Variants in HOXC4 observed in about 807,000 individuals in gnomAD.
HOXC4 encodes the protein homeobox protein Hox-C4.
HOXC4 carries 15 observed loss-of-function variants against 25.5 expected under a neutral mutation model. That is an observed-to-expected ratio of 0.59 (90% CI 0.39 to 0.91). HOXC4 has a LOEUF of 0.91. HOXC4 is among the 40% of genes least tolerant of loss of function. The pLI, the probability that HOXC4 is intolerant of heterozygous loss-of-function variation, is 0.00. For synonymous variants in HOXC4, 165 were observed against 148.0 expected (o/e 1.11, Z -0.83); for missense variants, 342 against 352.4 (o/e 0.97, Z 0.24).
At chr12:54,028,322 G>C (rs538405644) in intron 1 of HOXC4, 1 of 541,786 alleles carries the variant, frequency 1.8e-6, no homozygotes, top group East Asian at 2.9e-5. Context: ...GTCTCAACTA[G>C]GGAATCAACA....
intron 1 of HOXC4, among the ~76,000 whole-genome samples, chr12:54,026,968 G>T (rs910590798): frequency 2.7e-4 from 37 of 135,122 alleles, no homozygotes; most frequent in Non-Finnish European, 4.8e-4. Context: ...AAATGGTGGG[G>T]GGGGGGGGAT....
At chr12:54,053,727 AC>A (rs1937900953), upstream of HOXC4, 5 of 205,212 alleles carry the variant, frequency 2.4e-5, no homozygotes, top group South Asian at 6.7e-5. Flanking sequence ...CACCACCACC[AC>A]CACACACACA....
rs764945249 is a variant in HOXC4 at position 54,054,360 on chromosome 12, G to C, written c.438G>C (p.Thr146=). ...GGATGAAAAAAATTCACGTTAGCAC[G>C]GGTAGGCAACTTTGCTTTTTGCTCC... ...YPWMKKIHVS[T]VNPNYNGGEP... is the part of the protein sequence containing the mutation. The change falls in exon 1 of 2, where the codon ACG becomes ACC. Residue 146 remains threonine, a splice_region_variant and synonymous_variant. Transcript: ENST00000430889. The C allele has an allele frequency of 4.0e-5, 61 of 1,537,454 alleles. No homozygotes were observed. In the South Asian group the frequency reaches 7.1e-4, roughly 18 times the overall value.
chr12:54,047,756 C>T (rs1937751291), intron 1 of HOXC4: 1 of 152,202 alleles, frequency 6.6e-6, no homozygotes, highest in East Asian at 1.9e-4. Flanking sequence ...GCTATTGATT[C>T]CCGCTTGGCT....
intron 1 of HOXC4, among the ~76,000 whole-genome samples, chr12:54,018,066 G>A (rs1003394006): frequency 1.3e-5 from 2 of 152,174 alleles, no homozygotes; most frequent in Non-Finnish European, 2.9e-5. Context: ...CGTCAGCCGA[G>A]AGGAGAGCGT....
At chr12:54,047,525 C>T (rs962247193) in intron 1 of HOXC4, among the ~76,000 whole-genome samples, 5 of 152,300 alleles carry the variant, frequency 3.3e-5, no homozygotes, top group East Asian at 1.9e-4. Flanking sequence ...CAAAAGGAGC[C>T]GAAAGATTTA....
Position 54,054,220 on chromosome 12 carries a change from C to G in HOXC4, c.298C>G (p.Pro100Ala). Reference sequence around the variant, plus strand: ...CGAGAAATCACAGTCGCTCTGCGAGCCGGCGCCTCTCTCAGGCGCCTCCGC... The same window carrying G: ...CGAGAAATCACAGTCGCTCTGCGAGGCGGCGCCTCTCTCAGGCGCCTCCGC... ...HPEKSQSLCEPAPLSGASASP... is the reference protein window; with the variant it reads ...HPEKSQSLCEAAPLSGASASP... The change falls in exon 1 of 2, where the codon CCG becomes GCG. Residue 100 changes from proline (P) to alanine (A), a missense_variant. Physicochemically the swap from Pro to Ala is conservative, Grantham distance 27 (BLOSUM62 -1). Coordinates refer to ENST00000430889, the MANE Select transcript of HOXC4 (RefSeq NM_153633.3). 6.2e-7 allele frequency: 1 copy of G among 1,612,300 alleles called. No homozygotes were observed. The highest frequency in any genetic ancestry group is 8.5e-7 in the Non-Finnish European group (1 of 1,179,168).
At chr12:54,041,262 G>C (rs1055426452) in intron 1 of HOXC4, among the ~76,000 whole-genome samples, 3 of 152,242 alleles carry the variant, frequency 2.0e-5, no homozygotes, top group Admixed American at 6.5e-5. Flanking sequence ...TGTGTTTCCT[G>C]AACACTTGGG....
intron 1 of HOXC4, chr12:54,033,624 A>G: frequency 1.7e-5 from 24 of 1,429,448 alleles, no homozygotes; most frequent in Non-Finnish European, 2.2e-5. Context: ...CCTGGGTTTT[A>G]TAGGCCATGC....
chr12:54,018,720 C>T (rs1191355392), intron 1 of HOXC4, among the ~76,000 whole-genome samples: 1 of 151,872 alleles, frequency 6.6e-6, no homozygotes, highest in African/African-American at 2.4e-5. Context: ...CGGCGACGCA[C>T]ACGCAAACGC....
rs1199109156 is a variant in HOXC4 at position 54,055,209 on chromosome 12, A to G, written c.*4A>G. The G allele has an allele frequency of 1.5e-5, 24 of 1,551,182 alleles. No homozygotes were observed. Among genetic ancestry groups the G allele is most frequent in the Non-Finnish European group, 2.1e-5 (24 of 1,143,168 alleles). Reference sequence around the variant, plus strand: ...AGAGGACATTACCAGGTTATAAAACATAACTCACACCCCTGCCCCCACCCC... The same window carrying G: ...AGAGGACATTACCAGGTTATAAAACGTAACTCACACCCCTGCCCCCACCCC... On this transcript the variant is annotated 3_prime_UTR_variant, in exon 2 of 2. Coordinates refer to ENST00000430889, the MANE Select transcript of HOXC4 (RefSeq NM_153633.3).
At chr12:54,017,654 G>A (rs558496882) in intron 1 of HOXC4, among the ~76,000 whole-genome samples, 2 of 152,208 alleles carry the variant, frequency 1.3e-5, no homozygotes, top group South Asian at 4.1e-4. Context: ...GTTGGGGGTG[G>A]GGAGGCAAGG....
intron 1 of HOXC4, among the ~76,000 whole-genome samples, chr12:54,026,968 G>GA (rs1042785357): frequency 1.5e-5 from 2 of 135,212 alleles, no homozygotes; most frequent in East Asian, 2.4e-4. Context: ...AAATGGTGGG[G>GA]GGGGGGGGAT....
chr12:54,027,339 C>T (rs980072901), intron 1 of HOXC4, among the ~76,000 whole-genome samples: 2 of 152,144 alleles, frequency 1.3e-5, no homozygotes, highest in Non-Finnish European at 2.9e-5. Flanking sequence ...CCTCCACTGG[C>T]GGTGCCCTGA....
At chr12:54,049,855 GA>G (rs1389641178), upstream of HOXC4, among the ~76,000 whole-genome samples, 6 of 145,984 alleles carry the variant, frequency 4.1e-5, no homozygotes, top group Non-Finnish European at 9.0e-5. Flanking sequence ...TTGCCCAAAG[GA>G]AAAAAAAATC....
At chr12:54,036,199 G>T (rs1941182158) in intron 1 of HOXC4, among the ~76,000 whole-genome samples, 1 of 152,130 alleles carries the variant, frequency 6.6e-6, no homozygotes. Flanking sequence ...TGGGCTGGGG[G>T]AGGAAGCACT....
chr12:54,029,894 A>G, intron 1 of HOXC4: 6 of 1,608,874 alleles, frequency 3.7e-6, no homozygotes, highest in Non-Finnish European at 5.1e-6. Flanking sequence ...CGGAGGGGCC[A>G]CCGCCGACAG....
intron 1 of HOXC4, among the ~76,000 whole-genome samples, chr12:54,042,033 C>A (rs1243905461): frequency 7.0e-6 from 1 of 142,020 alleles, no homozygotes; most frequent in African/African-American, 2.6e-5. Context: ...GGCTATAGTG[C>A]AATGGCAGGA....
Position 54,055,118 on chromosome 12 carries a change from G to T in HOXC4, c.708G>T (p.Ser236=). The T allele has an allele frequency of 6.2e-7, 1 of 1,613,066 alleles. No homozygotes were observed. Among genetic ancestry groups the T allele is most frequent in the Non-Finnish European group, 8.5e-7 (1 of 1,179,804 alleles). Residue 236 remains serine, a synonymous_variant, in exon 2 of 2, where the codon TCG becomes TCT. Transcript: ENST00000430889. The part of the protein sequence containing the change: ...PPAGAAPSTL[S]AATPGTSEDH... ...CCGGCGCTGCGCCCAGCACCCTTTC[G>T]GCAGCTACCCCGGGTACTTCTGAAG... is the stretch of plus-strand genomic sequence containing the variant.
Sources: gnomAD v4.1 joint callset for allele counts (sites outside exome capture counted in the v4.1 genomes callset) on GRCh38, gnomAD v4.1.1 for gene constraint, MANE v1.5 for transcripts, NCBI Gene and HGNC (gene_info 2026-07-23, HGNC 2026-07-21) for gene names.